SEMA5B: variants seen among roughly 807,000 people sequenced by gnomAD.
The protein encoded by SEMA5B is semaphorin 5B, also known as semaphorin-5B.
A neutral mutation model predicts 135.0 loss-of-function variants in SEMA5B; 66 were observed. The ratio of observed to expected loss-of-function variants is 0.49; its 90% CI spans 0.40 to 0.60. The LOEUF (loss-of-function observed/expected upper bound fraction) is 0.60. Ranked by LOEUF, SEMA5B falls within the 20% of genes least tolerant of loss-of-function variation. The probability of loss-of-function intolerance (pLI) is 0.00; values close to 1 mark genes in which losing one functional copy is unlikely to be tolerated. For synonymous variants in SEMA5B, 690 were observed against 639.5 expected, an observed-to-expected ratio of 1.08 and a Z score of -1.19; for missense variants, 1,501 against 1,566.3, an observed-to-expected ratio of 0.96 and a Z score of 0.70.
chr3:122,925,097 C>T (rs769786935), intron 9 of SEMA5B, among the ~76,000 whole-genome samples: 2 of 152,170 alleles, frequency 1.3e-5, no homozygotes, highest in African/African-American at 2.4e-5. Context: ...TTTCGGTCCA[C>T]CCCCTCACAC....
At chr3:122,919,137 T>A (rs996496725) in intron 12 of SEMA5B, among the ~76,000 whole-genome samples, 1 of 151,748 alleles carries the variant, frequency 6.6e-6, no homozygotes, top group African/African-American at 2.4e-5. Flanking sequence ...TGTGGTGTAG[T>A]AGTCTCACAG....
At chr3:122,933,921 T>C (rs1294991756) in intron 5 of SEMA5B, among the ~76,000 whole-genome samples, 1 of 151,474 alleles carries the variant, frequency 6.6e-6, no homozygotes, top group Non-Finnish European at 1.5e-5. Flanking sequence ...AATTTTTTTT[T>C]CTTTGAGACA....
At chr3:122,963,670 G>A (rs1411370606) in intron 1 of SEMA5B, among the ~76,000 whole-genome samples, 1 of 152,182 alleles carries the variant, frequency 6.6e-6, no homozygotes, top group African/African-American at 2.4e-5. Flanking sequence ...CAGATAAGAA[G>A]GGAGACAGAG....
At chr3:122,989,780 G>A (rs188732619) in intron 1 of SEMA5B, among the ~76,000 whole-genome samples, 6 of 152,318 alleles carry the variant, frequency 3.9e-5, no homozygotes, top group Admixed American at 6.5e-5. Flanking sequence ...TCCAATGTCC[G>A]TTGAGCTTTT....
At chr3:122,916,346 A>G (rs999535992) in intron 12 of SEMA5B, among the ~76,000 whole-genome samples, 4 of 152,200 alleles carry the variant, frequency 2.6e-5, no homozygotes, top group African/African-American at 9.7e-5. Flanking sequence ...AGATGGAAAA[A>G]GCCTTACAGA....
intron 2 of SEMA5B, among the ~76,000 whole-genome samples, chr3:122,955,833 G>T (rs1021562465): frequency 6.6e-6 from 1 of 152,192 alleles, no homozygotes; most frequent in African/African-American, 2.4e-5. Flanking sequence ...TATTCCACTA[G>T]TTACCTAAGT....
intron 12 of SEMA5B, among the ~76,000 whole-genome samples, chr3:122,920,647 A>G (rs749731007): frequency 5.3e-5 from 8 of 152,188 alleles, no homozygotes; most frequent in Non-Finnish European, 8.8e-5. Context: ...CGTTTTCCAG[A>G]TGAGAGAGCC....
chr3:122,969,507 C>G (rs942856543), intron 1 of SEMA5B, among the ~76,000 whole-genome samples: 1 of 152,224 alleles, frequency 6.6e-6, no homozygotes, highest in Non-Finnish European at 1.5e-5. Context: ...CTTTCTCTCT[C>G]CTGGTCAGTA....
chr3:122,955,502 G>A (rs1042733353), intron 2 of SEMA5B, among the ~76,000 whole-genome samples: 3 of 152,136 alleles, frequency 2.0e-5, no homozygotes, highest in East Asian at 1.9e-4. Flanking sequence ...TTTCTCATAC[G>A]TACAACCAAA....
intron 2 of SEMA5B, among the ~76,000 whole-genome samples, chr3:122,954,037 T>G (rs796873286): frequency 6.6e-6 from 1 of 152,188 alleles, no homozygotes; most frequent in Non-Finnish European, 1.5e-5. Context: ...ATGTGTGTGG[T>G]GGTCATATTC....
chr3:122,923,779 G>A (rs1379751750), intron 9 of SEMA5B, 27 bp from the exon 10 acceptor site: 1 of 1,613,544 alleles, frequency 6.2e-7, no homozygotes, highest in South Asian at 1.1e-5. Flanking sequence ...GGTGGCACAG[G>A]GCCCTCCCTG....
At chr3:123,004,742 T>C (rs904891355) in intron 1 of SEMA5B, among the ~76,000 whole-genome samples, 1 of 152,190 alleles carries the variant, frequency 6.6e-6, no homozygotes, top group African/African-American at 2.4e-5. Flanking sequence ...CTGATGGAAA[T>C]TGATTGCACC....
chr3:123,025,518 C>A (rs1309419740), intron 1 of SEMA5B, among the ~76,000 whole-genome samples: 1 of 152,178 alleles, frequency 6.6e-6, no homozygotes, highest in South Asian at 2.1e-4. Context: ...TAGATGTCCA[C>A]GGTGATGATT....
At chr3:122,972,045 C>T (rs1282926526) in intron 1 of SEMA5B, among the ~76,000 whole-genome samples, 1 of 152,224 alleles carries the variant, frequency 6.6e-6, no homozygotes, top group Admixed American at 6.5e-5. Flanking sequence ...CTGATCGATC[C>T]ACCATGGCTG....
At chr3:122,960,384 A>G (rs538823838) in intron 2 of SEMA5B, among the ~76,000 whole-genome samples, 1 of 152,368 alleles carries the variant, frequency 6.6e-6, no homozygotes, top group East Asian at 1.9e-4. Flanking sequence ...GGAATGTAAA[A>G]TGGTACAGCC....
chr3:122,988,860 G>T (rs1471618398), intron 1 of SEMA5B, among the ~76,000 whole-genome samples: 1 of 152,254 alleles, frequency 6.6e-6, no homozygotes, highest in Non-Finnish European at 1.5e-5. Flanking sequence ...ACATCACCTA[G>T]CTCTAATCTG....
chr3:123,005,371 T>A (rs1403188239), intron 1 of SEMA5B, among the ~76,000 whole-genome samples: 3 of 152,112 alleles, frequency 2.0e-5, no homozygotes, highest in Non-Finnish European at 4.4e-5. Flanking sequence ...TTATTATTAT[T>A]ATTATTTAGA....
At chr3:122,933,488 C>A (rs572301026) in intron 5 of SEMA5B, among the ~76,000 whole-genome samples, 1 of 152,052 alleles carries the variant, frequency 6.6e-6, no homozygotes, top group Admixed American at 6.5e-5. Context: ...CTTTTAGGAT[C>A]TTCTCCTTAA....
intron 20 of SEMA5B, among the ~76,000 whole-genome samples, 161 bp downstream of exon 20, chr3:122,911,759 A>T (rs1194291916): frequency 6.6e-6 from 1 of 152,200 alleles, no homozygotes; most frequent in African/African-American, 2.4e-5. Context: ...GTGTGCATGG[A>T]GGCAAATATG....
Sources: gnomAD v4.1 joint callset for allele counts (sites outside exome capture counted in the v4.1 genomes callset) on GRCh38, gnomAD v4.1.1 for gene constraint, MANE v1.5 for transcripts, NCBI Gene and HGNC (gene_info 2026-07-23, HGNC 2026-07-21) for gene names.